Variants in FHIP1A observed in about 807,000 individuals in gnomAD.
FHIP1A encodes FHF complex subunit HOOK-interacting protein 1A.
FHIP1A carries 61 observed loss-of-function variants against 88.6 expected under a neutral mutation model. That is an observed-to-expected ratio of 0.69 (90% CI 0.56 to 0.85). The LOEUF (loss-of-function observed/expected upper bound fraction) is 0.85, where lower values mean the gene tolerates loss of function less well. Among genes scored for constraint, FHIP1A ranks in the 40% least tolerant of loss-of-function variants. The pLI is 0.00. For synonymous variants in FHIP1A, 478 were observed against 496.0 expected, an observed-to-expected ratio of 0.96 and a Z score of 0.48; for missense variants, 1,154 against 1,273.5, an observed-to-expected ratio of 0.91 and a Z score of 1.43.
At chr4:151,528,392 T>C (rs1009684175) in intron 3 of FHIP1A, among the ~76,000 whole-genome samples, 2 of 152,226 alleles carry the variant, frequency 1.3e-5, no homozygotes, top group Non-Finnish European at 2.9e-5. Flanking sequence ...GGGTATCTGC[T>C]GAAACCCATT....
chr4:151,532,279 T>C (rs559494289), intron 3 of FHIP1A, among the ~76,000 whole-genome samples: 2 of 152,392 alleles, frequency 1.3e-5, no homozygotes, highest in South Asian at 4.1e-4. Flanking sequence ...GTGTAATTTC[T>C]AATCTACTTT....
rs928791638 is a variant in FHIP1A, at chr4:151,584,557, C to T, written c.733-2084C>T. On this transcript the variant is annotated intron_variant, in intron 5 of 13. Coordinates refer to ENST00000435205, the MANE Select transcript of FHIP1A (RefSeq NM_001109977.3). ...TCTCCCTTTCCTTCTCTGTCTGGTT[C>T]GTATGGCTTGAGGTCCCATCTACAT... Among the ~76,000 whole-genome samples, 14 of 152,182 alleles carry T rather than the reference C, an allele frequency of 9.2e-5. 1 individual carries two copies. Among genetic ancestry groups the T allele is most frequent in the African/African-American group, 2.6e-4 (11 of 41,514 alleles).
At position 151,649,601 on chromosome 4, in the gene FHIP1A, C is replaced by T. The variant is rs1303230520; in HGVS notation, c.1560C>T (p.Val520=). 6.4e-7 allele frequency: 1 copy of T among 1,551,618 alleles called. No individual in the cohort carries two copies. Among genetic ancestry groups the T allele is most frequent in the Non-Finnish European group, 8.7e-7 (1 of 1,147,002 alleles). Residue 520 remains valine, a synonymous_variant, in exon 11 of 14, where the codon GTC becomes GTT. Coordinates refer to ENST00000435205, the MANE Select transcript of FHIP1A (RefSeq NM_001109977.3). ...TCCGCTGCATGAGGGACTGCCGTGT[C>T]TGGTCCGCCCTGTATGATGGCGACT... is the stretch of plus-strand genomic sequence containing the variant. ...NILRCMRDCR[V]WSALYDGDSP...
intron 2 of FHIP1A, among the ~76,000 whole-genome samples, chr4:151,467,242 G>A (rs62327230): frequency 5.6e-4 from 86 of 152,276 alleles, no homozygotes; most frequent in Non-Finnish European, 1.1e-3. Flanking sequence ...ATCACTGATC[G>A]TTAGAGAAAT....
At chr4:151,648,240 G>A (rs562249819) in intron 10 of FHIP1A, among the ~76,000 whole-genome samples, 13 of 152,184 alleles carry the variant, frequency 8.5e-5, no homozygotes, top group African/African-American at 3.1e-4. Flanking sequence ...TTTCTTATCT[G>A]TAAAATAGTA....
intron 7 of FHIP1A, among the ~76,000 whole-genome samples, chr4:151,619,491 G>A (rs1284855981): frequency 6.6e-6 from 1 of 152,156 alleles, no homozygotes; most frequent in Non-Finnish European, 1.5e-5. Context: ...TAGTAATGGT[G>A]AGTACTAGAT....
intron 7 of FHIP1A, among the ~76,000 whole-genome samples, chr4:151,616,636 G>C (rs929968242): frequency 6.6e-6 from 1 of 151,644 alleles, no homozygotes; most frequent in African/African-American, 2.4e-5. Context: ...ATTTTTAGTG[G>C]AGGCGGGGTT....
chr4:151,513,543 G>A (rs1476015327), intron 3 of FHIP1A, among the ~76,000 whole-genome samples: 5 of 152,226 alleles, frequency 3.3e-5, no homozygotes, highest in Non-Finnish European at 7.4e-5. Flanking sequence ...TCAGTGTGTT[G>A]TATTCAGGAA....
chr4:151,650,413 A>C lies in FHIP1A; in HGVS notation c.2372A>C (p.Glu791Ala). Residue 791 changes from glutamate (E) to alanine (A), a missense_variant, in exon 11 of 14, where the codon GAG becomes GCG. By Grantham distance (107) the Glu-to-Ala change is moderately radical (BLOSUM62 -1). Coordinates refer to ENST00000435205, the MANE Select transcript of FHIP1A (RefSeq NM_001109977.3). Reference protein sequence around the residue: ...LLTKEEEGKEESKGEKEKEGK... With the variant: ...LLTKEEEGKEASKGEKEKEGK... Reference sequence around the variant, plus strand: ...ACTAAGGAGGAAGAAGGGAAGGAAGAGAGTAAAGGAGAAAAGGAGAAGGAG... The same window carrying C: ...ACTAAGGAGGAAGAAGGGAAGGAAGCGAGTAAAGGAGAAAAGGAGAAGGAG... The C allele has an allele frequency of 6.4e-7, 1 of 1,551,708 alleles. No homozygotes were observed. The highest frequency in any genetic ancestry group is 8.7e-7 in the Non-Finnish European group (1 of 1,146,942).
At chr4:151,662,207 T>C (rs1054615892) in intron 13 of FHIP1A, among the ~76,000 whole-genome samples, 2 of 152,232 alleles carry the variant, frequency 1.3e-5, no homozygotes, top group Non-Finnish European at 2.9e-5. Context: ...CATTCTGGCA[T>C]GGAGGATTCT....
chr4:151,426,596 T>C (rs923404798), intron 1 of FHIP1A, among the ~76,000 whole-genome samples: 2 of 152,184 alleles, frequency 1.3e-5, no homozygotes, highest in Non-Finnish European at 2.9e-5. Context: ...TGAAGACTCA[T>C]TGGCAAAGTA....
chr4:151,598,723 T>A (rs1734746171), intron 7 of FHIP1A, among the ~76,000 whole-genome samples: 2 of 152,224 alleles, frequency 1.3e-5, no homozygotes, highest in South Asian at 4.1e-4. Context: ...CTGATTTTTT[T>A]AAGGGGCTGC....
intron 2 of FHIP1A, among the ~76,000 whole-genome samples, chr4:151,461,637 T>C (rs1019427136): frequency 6.6e-6 from 1 of 152,068 alleles, no homozygotes; most frequent in African/African-American, 2.4e-5. Context: ...AAAATAAAAT[T>C]TTAAAATTTT....
At chr4:151,514,285 C>G (rs1731146591) in intron 3 of FHIP1A, among the ~76,000 whole-genome samples, 1 of 152,074 alleles carries the variant, frequency 6.6e-6, no homozygotes, top group African/African-American at 2.4e-5. Context: ...ACCAGAATCT[C>G]TGGGACACAT....
chr4:151,610,621 G>A (rs1475337579), intron 7 of FHIP1A, among the ~76,000 whole-genome samples: 2 of 152,282 alleles, frequency 1.3e-5, no homozygotes, highest in Non-Finnish European at 1.5e-5. Context: ...TACCCTGAGT[G>A]TGATTCCAGC....
intron 1 of FHIP1A, among the ~76,000 whole-genome samples, chr4:151,415,314 G>T (rs1732847751): frequency 6.6e-6 from 1 of 151,942 alleles, no homozygotes; most frequent in Non-Finnish European, 1.5e-5. Flanking sequence ...AGCCTCCTGA[G>T]TAGCTAGGAC....
chr4:151,568,317 A>G (rs937517519), intron 4 of FHIP1A, among the ~76,000 whole-genome samples: 3 of 152,182 alleles, frequency 2.0e-5, no homozygotes, highest in East Asian at 3.9e-4. Context: ...TAGTTGTTAA[A>G]TATTTTCTTT....
intron 3 of FHIP1A, among the ~76,000 whole-genome samples, chr4:151,490,497 A>G (rs911429024): frequency 6.6e-6 from 1 of 152,152 alleles, no homozygotes; most frequent in African/African-American, 2.4e-5. Context: ...TGGGACAAAA[A>G]AATCTGAACA....
chr4:151,598,602 C>T (rs1218103278), intron 7 of FHIP1A, among the ~76,000 whole-genome samples: 2 of 152,160 alleles, frequency 1.3e-5, no homozygotes, highest in East Asian at 1.9e-4. Context: ...TAGTTACCTG[C>T]CATCAGCGTA....
Sources: allele counts gnomAD v4.1 joint callset (sites outside exome capture counted in the v4.1 genomes callset), GRCh38; gene constraint gnomAD v4.1.1; transcripts MANE v1.5; gene names NCBI Gene and HGNC (gene_info 2026-07-23, HGNC 2026-07-21).